CCDC170: variants seen among roughly 807,000 people sequenced by gnomAD.
CCDC170 encodes the protein coiled-coil domain containing 170, also known as coiled-coil domain-containing protein 170.
Under a neutral mutation model 72.6 loss-of-function variants are expected in CCDC170, and 69 were observed. The observed-to-expected ratio is 0.95, with a 90% CI of 0.78 to 1.16. CCDC170 has a LOEUF of 1.16. Ranked by LOEUF, CCDC170 falls within the 50% of genes most tolerant of loss-of-function variation. CCDC170 has a pLI of 0.00. For synonymous variants in CCDC170, 300 were observed against 303.9 expected, an observed-to-expected ratio of 0.99 and a Z score of 0.13; for missense variants, 852 against 832.5, an observed-to-expected ratio of 1.02 and a Z score of -0.29.
intron 5 of CCDC170, among the ~76,000 whole-genome samples, chr6:151,558,367 T>A (rs1783022921): frequency 6.6e-6 from 1 of 152,086 alleles, no homozygotes; most frequent in Non-Finnish European, 1.5e-5. Flanking sequence ...ACCCTGTTGA[T>A]TGTTCCTTGT....
Position 151,551,654 on chromosome 6 carries a change from C to T in CCDC170, c.774+3165C>T, listed in dbSNP as rs926404494. 5.3e-5 allele frequency among the ~76,000 whole-genome samples: 8 copies of T among 152,138 alleles called. No homozygotes were observed. In the East Asian group the frequency reaches 1.2e-3, roughly 22 times the overall value. The stretch of plus-strand genomic sequence containing the variant: ...ATGTGGTGAAGACACTTAGCCTCCT[C>T]TCGGGAGGCCCACGTGGTAAGGACC... On this transcript the variant is annotated intron_variant, in intron 5 of 10. Coordinates refer to ENST00000239374, the MANE Select transcript of CCDC170 (RefSeq NM_025059.4).
intron 1 of CCDC170, among the ~76,000 whole-genome samples, chr6:151,518,383 G>A (rs989681831): frequency 2.0e-5 from 3 of 152,152 alleles, no homozygotes; most frequent in Non-Finnish European, 2.9e-5. Context: ...TCAATCAAAT[G>A]TGAGGACTAA....
intron 5 of CCDC170, among the ~76,000 whole-genome samples, chr6:151,565,271 G>C (rs1350241087): frequency 2.6e-5 from 4 of 152,198 alleles, no homozygotes; most frequent in Non-Finnish European, 5.9e-5. Context: ...TGCTGTAGCT[G>C]CCTAGGACTC....
chr6:151,511,820 G>A (rs530013954), intron 1 of CCDC170, among the ~76,000 whole-genome samples: 7 of 152,212 alleles, frequency 4.6e-5, no homozygotes, highest in East Asian at 3.9e-4. Flanking sequence ...GTTTGGTACC[G>A]TGCATAATAT....
chr6:151,564,065 T>C (rs1259272016), intron 5 of CCDC170, among the ~76,000 whole-genome samples: 1 of 152,200 alleles, frequency 6.6e-6, no homozygotes, highest in African/African-American at 2.4e-5. Flanking sequence ...GGAGGCATCA[T>C]ATTTCCTTGC....
At chr6:151,528,260 G>A (rs932545686) in intron 1 of CCDC170, among the ~76,000 whole-genome samples, 1 of 152,068 alleles carries the variant, frequency 6.6e-6, no homozygotes, top group Non-Finnish European at 1.5e-5. Context: ...ATTTTAAATA[G>A]GGGAAAAATT....
At chr6:151,604,933 C>T (rs1158369) in intron 9 of CCDC170, among the ~76,000 whole-genome samples, 8,865 of 152,122 alleles carry the variant, frequency 0.058, 317 homozygotes, top group South Asian at 0.097. Context: ...TATTTGAAAA[C>T]GTACAATAAA....
At chr6:151,612,114 G>T (rs1027200986) in intron 9 of CCDC170, among the ~76,000 whole-genome samples, 3 of 152,052 alleles carry the variant, frequency 2.0e-5, no homozygotes, top group African/African-American at 7.2e-5. Flanking sequence ...TTTCCATCTG[G>T]ACATCTATAT....
intron 6 of CCDC170, among the ~76,000 whole-genome samples, chr6:151,584,800 A>C (rs935581097): frequency 4.6e-5 from 7 of 152,224 alleles, no homozygotes; most frequent in African/African-American, 1.7e-4. Flanking sequence ...ATAGCCTTTC[A>C]AAAAGTTTAA....
intron 4 of CCDC170, among the ~76,000 whole-genome samples, chr6:151,546,879 C>T (rs1316251504): frequency 2.0e-5 from 3 of 152,080 alleles, no homozygotes; most frequent in South Asian, 2.1e-4. Context: ...GCAATTTCCT[C>T]CTGGGATTTG....
intron 5 of CCDC170, among the ~76,000 whole-genome samples, chr6:151,563,925 C>T (rs1776087702): frequency 6.6e-6 from 1 of 152,166 alleles, no homozygotes; most frequent in African/African-American, 2.4e-5. Context: ...TCTGACAGGT[C>T]CTGGCTCACT....
Position 151,494,121 on chromosome 6 carries a change from G to A in CCDC170, c.-8G>A, listed in dbSNP as rs1165502451. 3 of 1,498,350 alleles carry A rather than the reference G, an allele frequency of 2.0e-6. No individual in the cohort carries two copies. Among genetic ancestry groups the A allele is most frequent in the African/African-American group, 1.4e-5 (1 of 69,010 alleles). 92.8% of individuals were successfully genotyped at this position (1,498,350 alleles called of 1,614,324 possible). A position where few individuals can be genotyped will look rare whatever the true frequency, so the allele number is the denominator to read the frequency against. The stretch of plus-strand genomic sequence containing the variant: ...CGGGTCCGAGCGCGCCCCCGGGCTC[G>A]GGTCGTCATGAGCCTGGACTGCACC... On this transcript the variant is annotated 5_prime_UTR_variant, in exon 1 of 11. Coordinates refer to ENST00000239374, the MANE Select transcript of CCDC170 (RefSeq NM_025059.4).
chr6:151,559,486 T>C (rs1417919236), intron 5 of CCDC170, among the ~76,000 whole-genome samples: 1 of 152,238 alleles, frequency 6.6e-6, no homozygotes, highest in Non-Finnish European at 1.5e-5. Flanking sequence ...GATTACCTTC[T>C]TGATTTCTTT....
At chr6:151,581,554 T>C (rs1245194003) in intron 6 of CCDC170, among the ~76,000 whole-genome samples, 1 of 152,204 alleles carries the variant, frequency 6.6e-6, no homozygotes, top group Non-Finnish European at 1.5e-5. Context: ...AATCATCTCA[T>C]AGATGACACC....
chr6:151,617,046 C>A (rs1776979452), intron 10 of CCDC170, among the ~76,000 whole-genome samples: 1 of 152,162 alleles, frequency 6.6e-6, no homozygotes, highest in Non-Finnish European at 1.5e-5. Context: ...GGTTGCAGAG[C>A]AAATGAGCCT....
intron 1 of CCDC170, among the ~76,000 whole-genome samples, chr6:151,533,632 A>C (rs1583013491): frequency 1.3e-5 from 2 of 148,866 alleles, no homozygotes; most frequent in African/African-American, 5.0e-5. Flanking sequence ...GTGCCATTGC[A>C]CTCTAGCCTG....
chr6:151,527,876 G>T (rs2115038731), intron 1 of CCDC170, among the ~76,000 whole-genome samples: 1 of 152,182 alleles, frequency 6.6e-6, no homozygotes, highest in Non-Finnish European at 1.5e-5. Flanking sequence ...TGTGTTAGGG[G>T]CAGGCAGTGA....
intron 6 of CCDC170, among the ~76,000 whole-genome samples, chr6:151,579,120 G>C (rs983696784): frequency 7.9e-5 from 12 of 151,854 alleles, no homozygotes; most frequent in Admixed American, 2.6e-4. Context: ...CCCACCTCTA[G>C]TGTTGAAATA....
rs776716381 is a variant in CCDC170, at chr6:151,544,654, C to T, written c.526C>T (p.Arg176Cys). ...ACATGAGGAATTTCTGACTCAACTG[C>T]GTGACTGCTTGGATCCAGATGAGAG... ...RKHEEFLTQL[R>C]DCLDPDERND... The change falls in exon 4 of 11, where the codon CGT (arginine) becomes TGT (cysteine). Residue 176 changes from arginine to cysteine, a missense_variant. Transcript: ENST00000239374. 3.7e-5 allele frequency: 60 copies of T among 1,613,300 alleles called. No individual in the cohort carries two copies. The highest frequency in any genetic ancestry group is 1.6e-4 in the Middle Eastern group (1 of 6,080).
Sources: gnomAD v4.1 joint callset for allele counts (sites outside exome capture counted in the v4.1 genomes callset) on GRCh38, gnomAD v4.1.1 for gene constraint, MANE v1.5 for transcripts, NCBI Gene and HGNC (gene_info 2026-07-23, HGNC 2026-07-21) for gene names.